GABRA6: variants seen among roughly 807,000 people sequenced by gnomAD.
GABRA6 encodes the protein gamma-aminobutyric acid receptor subunit alpha-6.
GABRA6 carries 45 observed loss-of-function variants against 47.3 expected under a neutral mutation model. The ratio of observed to expected loss-of-function variants is 0.95; its 90% confidence interval spans 0.75 to 1.22. The LOEUF (loss-of-function observed/expected upper bound fraction) is 1.22. Ranked by LOEUF, GABRA6 falls within the 50% of genes most tolerant of loss-of-function variation. The pLI is 0.00. For synonymous variants in GABRA6, 219 were observed against 194.7 expected, an observed-to-expected ratio of 1.12 and a Z score of -1.04; for missense variants, 583 against 549.3, an observed-to-expected ratio of 1.06 and a Z score of -0.61.
In GABRA6 at chr5:161,689,644, C is replaced by A; in HGVS notation, c.538C>A (p.Pro180Thr). The change falls in exon 6 of 9, where the codon CCC becomes ACC. Residue 180 changes from proline to threonine, a missense_variant. Physicochemically the swap from Pro to Thr is conservative, Grantham distance 38. Coordinates refer to ENST00000274545, the MANE Select transcript of GABRA6 (RefSeq NM_000811.3). Reference sequence around the variant, plus strand: ...TTGTTTCAAATATTTAGATGCTTATCCCAAAAGTGAAATCATATATACGTG... The same window carrying A: ...TTGTTTCAAATATTTAGATGCTTATACCAAAAGTGAAATCATATATACGTG... Reference protein sequence around the residue: ...CPLKFGSYAYPKSEIIYTWKK... With the variant: ...CPLKFGSYAYTKSEIIYTWKK... 2 of 1,608,756 alleles carry A rather than the reference C, an allele frequency of 1.2e-6. No homozygotes were observed. Among genetic ancestry groups the A allele is most frequent in the Non-Finnish European group, 1.7e-6 (2 of 1,175,590 alleles).
intron 3 of GABRA6, chr5:161,687,389 C>T (rs1754719521): frequency 2.5e-6 from 1 of 402,512 alleles, no homozygotes; most frequent in Non-Finnish European, 4.8e-6. Context: ...AAACCTAAAG[C>T]ATAATTGTCT....
At chr5:161,689,205 T>C in intron 4 of GABRA6, 36 bp downstream of exon 4, 1 of 1,611,718 alleles carries the variant, frequency 6.2e-7, no homozygotes, top group South Asian at 1.1e-5. Flanking sequence ...CCTGCCTAAA[T>C]GATATGTCCA....
chr5:161,701,848 A>G lies in GABRA6; in HGVS notation c.*75A>G. 1 of 1,449,490 alleles carries G rather than the reference A, an allele frequency of 6.9e-7. No homozygotes were observed. 89.8% of individuals were successfully genotyped at this position (1,449,490 alleles called of 1,614,324 possible). A position where few individuals can be genotyped will look rare whatever the true frequency, so the allele number is the denominator to read the frequency against. On this transcript the variant is annotated 3_prime_UTR_variant, in exon 9 of 9. Transcript: ENST00000274545. ...TATGTTTTCTTAAAAAATAGCATTG[A>G]GACTTGTGTAGATGCTTCTCAGAAC...
At chr5:161,686,121 GA>G in intron 1 of GABRA6, 94 bp downstream of exon 1, 1 of 1,397,910 alleles carries the variant, frequency 7.2e-7, no homozygotes, top group Non-Finnish European at 1.0e-6. Flanking sequence ...AATCATGAAA[GA>G]GGCCAGAAGT....
rs1347658736 is a variant in GABRA6, at chr5:161,689,011, G to A, written c.288G>A (p.Gly96=). The change falls in exon 4 of 9, where the codon GGG becomes GGA. Residue 96 remains glycine, a synonymous_variant. Coordinates refer to ENST00000274545, the MANE Select transcript of GABRA6 (RefSeq NM_000811.3). The part of the protein sequence containing the change: ...TWTDERLKFG[G]PTEILSLNNL... ...CTGATGAGAGGTTGAAGTTTGGGGG[G>A]CCAACTGAGATTCTGAGTCTGAATA... The A allele has an allele frequency of 1.2e-6, 2 of 1,613,958 alleles. No homozygotes were observed. The highest frequency in any genetic ancestry group is 8.5e-7 in the Non-Finnish European group (1 of 1,179,926).
intron 8 of GABRA6, among the ~76,000 whole-genome samples, chr5:161,697,719 C>G (rs1395797716): frequency 1.3e-5 from 2 of 152,118 alleles, no homozygotes; most frequent in Non-Finnish European, 2.9e-5. Flanking sequence ...CCCAAAAGAT[C>G]AGTAGTTCTG....
chr5:161,701,717 T>A lies in GABRA6; in HGVS notation c.1306T>A (p.Tyr436Asn). ...TGCATTTGCAGGATTCAACCTTGTG[T>A]ACTGGGTAGTTTATCTTTCCAAAGA... is the stretch of plus-strand genomic sequence containing the variant. Reference protein sequence around the residue: ...PVAFAGFNLVYWVVYLSKDTM... With the variant: ...PVAFAGFNLVNWVVYLSKDTM... The change falls in exon 9 of 9, where the codon TAC becomes AAC. Residue 436 changes from tyrosine (Y) to asparagine (N), a missense_variant. Transcript: ENST00000274545. The A allele has an allele frequency of 6.2e-7, 1 of 1,614,194 alleles. No individual in the cohort carries two copies. The highest frequency in any genetic ancestry group is 8.5e-7 in the Non-Finnish European group (1 of 1,179,998).
Position 161,701,885 on chromosome 5 carries a change from T to C in GABRA6, c.*112T>C, listed in dbSNP as rs1026548700. 10 of 1,193,448 alleles carry C rather than the reference T, an allele frequency of 8.4e-6. No homozygotes were observed. Among genetic ancestry groups the C allele is most frequent in the South Asian group, 6.3e-5 (5 of 79,440 alleles). 73.9% of individuals were successfully genotyped at this position (1,193,448 alleles called of 1,614,324 possible). On this transcript the variant is annotated 3_prime_UTR_variant, in exon 9 of 9. Transcript: ENST00000274545. Reference sequence around the variant, plus strand: ...ATGCTTCTCAGAACATGAAATCAAATTGGAAATCTGTAACGCAGCTTCCGT... The same window carrying C: ...ATGCTTCTCAGAACATGAAATCAAACTGGAAATCTGTAACGCAGCTTCCGT...
chr5:161,690,139 C>T, intron 6 of GABRA6, 62 bp from the exon 7 acceptor site: 1 of 1,462,232 alleles, frequency 6.8e-7, no homozygotes, highest in South Asian at 1.1e-5. Context: ...GATTTATATT[C>T]AACTGCATTC....
rs374907395 is a variant in GABRA6 at position 161,701,540 on chromosome 5, C to T, written c.1129C>T (p.Leu377=). 388 of 1,614,114 alleles carry T rather than the reference C, an allele frequency of 2.4e-4. No individual in the cohort carries two copies. The highest frequency in any genetic ancestry group is 3.2e-4 in the Non-Finnish European group (376 of 1,180,048). The change falls in exon 9 of 9, where the codon CTG becomes TTG. Residue 377 remains leucine, a synonymous_variant. Coordinates refer to ENST00000274545, the MANE Select transcript of GABRA6 (RefSeq NM_000811.3). ...KYHLKKRITS[L]SLPIVSSSEA... is the part of the protein sequence containing the mutation. ...TCATCTGAAGAAAAGGATCACTTCT[C>T]TGTCTTTGCCAATAGTTTCATCTTC...
intron 8 of GABRA6, among the ~76,000 whole-genome samples, 191 bp downstream of exon 8, chr5:161,692,391 G>T (rs916483140): frequency 6.6e-6 from 1 of 152,140 alleles, no homozygotes; most frequent in Non-Finnish European, 1.5e-5. Context: ...ATTTATCTTT[G>T]CTGTAAACTT....
intron 8 of GABRA6, among the ~76,000 whole-genome samples, chr5:161,698,622 A>T (rs983803384): frequency 1.3e-5 from 2 of 152,064 alleles, no homozygotes; most frequent in Non-Finnish European, 2.9e-5. Flanking sequence ...ACATAGGAAA[A>T]AAGTTACTTG....
chr5:161,689,497 C>G, intron 5 of GABRA6, 139 bp from the exon 6 acceptor site: 3 of 1,032,808 alleles, frequency 2.9e-6, no homozygotes, highest in Non-Finnish European at 2.9e-6. Flanking sequence ...TAAATTGAGG[C>G]TTTAGTCACC....
At chr5:161,686,879 A>T in intron 2 of GABRA6, 57 bp from the exon 3 acceptor site, 1 of 1,465,820 alleles carries the variant, frequency 6.8e-7, no homozygotes, top group Non-Finnish European at 9.6e-7. Flanking sequence ...GAGGGCTGAG[A>T]TCAATCCCCT....
intron 6 of GABRA6, 67 bp downstream of exon 6, chr5:161,689,846 C>G: frequency 6.8e-7 from 1 of 1,478,214 alleles, no homozygotes; most frequent in South Asian, 1.1e-5. Flanking sequence ...TTCAAAATAT[C>G]TATTTCTTTT....
intron 2 of GABRA6, 86 bp from the exon 3 acceptor site, chr5:161,686,850 A>G (rs982199898): frequency 8.9e-7 from 1 of 1,125,030 alleles, no homozygotes; most frequent in Non-Finnish European, 1.4e-6. Context: ...GGCTATGATA[A>G]GTAAGGGGTT....
At chr5:161,689,403 T>C in intron 5 of GABRA6, 67 bp downstream of exon 5, 1 of 1,354,458 alleles carries the variant, frequency 7.4e-7, no homozygotes, top group Non-Finnish European at 1.1e-6. Flanking sequence ...TGGTTTTAGT[T>C]GATACTGGAA....
chr5:161,695,166 C>T (rs1035329504), intron 8 of GABRA6, among the ~76,000 whole-genome samples: 5 of 152,076 alleles, frequency 3.3e-5, no homozygotes, highest in Admixed American at 6.6e-5. Context: ...AAACTACTTA[C>T]AGTGAATGTG....
chr5:161,686,292 G>A lies in GABRA6; in HGVS notation c.101G>A (p.Arg34Gln), dbSNP rs766905192. Residue 34 changes from arginine (R) to glutamine (Q), a missense_variant, in exon 2 of 9, where the codon CGG (arginine) becomes CAG (glutamine). Coordinates refer to ENST00000274545, the MANE Select transcript of GABRA6 (RefSeq NM_000811.3). ...AACTTCTACTCAGAAAACGTCAGTC[G>A]GATCCTGGACAACTTGCTTGAAGGC... ...EGNFYSENVS[R>Q]ILDNLLEGYD... The A allele has an allele frequency of 6.8e-6, 11 of 1,614,054 alleles. No homozygotes were observed. The highest frequency in any genetic ancestry group is 2.2e-5 in the East Asian group (1 of 44,864).
Sources: allele counts gnomAD v4.1 joint callset (sites outside exome capture counted in the v4.1 genomes callset), GRCh38; gene constraint gnomAD v4.1.1; transcripts MANE v1.5; gene names NCBI Gene and HGNC (gene_info 2026-07-23, HGNC 2026-07-21).